The following LOC128462377 variants were observed in gnomAD, a reference collection of about 807,000 sequenced individuals.
the LOC128462377 span, among the ~76,000 whole-genome samples, chr16:89,381,339 A>T: frequency 7.3e-6 from 1 of 137,256 alleles, no homozygotes; most frequent in African/African-American, 2.6e-5. Flanking sequence ...TGCAAAAAAA[A>T]AAAAAAAAAA....
chr16:89,371,627 T>A, the LOC128462377 span, among the ~76,000 whole-genome samples: 1 of 152,082 alleles, frequency 6.6e-6, no homozygotes, highest in Admixed American at 6.5e-5. Context: ...CCTGCCCACA[T>A]GACGACACCC....
the LOC128462377 span, among the ~76,000 whole-genome samples, chr16:89,396,812 G>A: frequency 1.3e-5 from 2 of 152,014 alleles, no homozygotes; most frequent in Admixed American, 6.5e-5. Context: ...TCAGCCTCCC[G>A]AGTAGCTGGG....
At chr16:89,386,899 C>A in the LOC128462377 span, among the ~76,000 whole-genome samples, 1 of 152,086 alleles carries the variant, frequency 6.6e-6, no homozygotes, top group Non-Finnish European at 1.5e-5. Context: ...CAGCAAGAGA[C>A]CCTGCCCCAG....
At chr16:89,374,344 AAT>A in the LOC128462377 span, among the ~76,000 whole-genome samples, 1 of 149,620 alleles carries the variant, frequency 6.7e-6, no homozygotes, top group African/African-American at 2.5e-5. Flanking sequence ...TTGTAAAAAA[AAT>A]AATAATAATA....
At chr16:89,381,808 C>T in the LOC128462377 span, among the ~76,000 whole-genome samples, 10 of 152,246 alleles carry the variant, frequency 6.6e-5, no homozygotes, top group Admixed American at 5.9e-4. Flanking sequence ...ATTGACCCCA[C>T]GCGAATGGGG....
the LOC128462377 span, among the ~76,000 whole-genome samples, chr16:89,349,134 TAAAAAAAAAAAAAAA>T: frequency 1.2e-4 from 2 of 16,576 alleles, no homozygotes; most frequent in East Asian, 2.4e-3. Context: ...TCTCAAAAAG[TAAAAAAAAAAAAAAA>T]AAAAAAAAAA....
At chr16:89,320,758 G>A in the LOC128462377 span, among the ~76,000 whole-genome samples, 1 of 152,282 alleles carries the variant, frequency 6.6e-6, no homozygotes, top group Non-Finnish European at 1.5e-5. Flanking sequence ...CAGCCCAGCG[G>A]AGTGGACAGT....
At chr16:89,323,964 C>G in the LOC128462377 span, 2 of 226,986 alleles carry the variant, frequency 8.8e-6, no homozygotes, top group Non-Finnish European at 1.8e-5. Flanking sequence ...GTCGGCCCCT[C>G]CCCTGCACCC....
the LOC128462377 span, among the ~76,000 whole-genome samples, chr16:89,325,463 TCTCTCTCA>T: frequency 2.9e-5 from 4 of 139,320 alleles, no homozygotes; most frequent in Admixed American, 7.2e-5. Context: ...TCTCTCTCTC[TCTCTCTCA>T]CACACACACA....
the LOC128462377 span, among the ~76,000 whole-genome samples, chr16:89,416,417 G>A: frequency 6.6e-6 from 1 of 151,962 alleles, no homozygotes. Flanking sequence ...TCCTGCCTCA[G>A]CCTCCCAACT....
chr16:89,385,808 C>T, the LOC128462377 span, among the ~76,000 whole-genome samples: 2 of 152,244 alleles, frequency 1.3e-5, no homozygotes, highest in Non-Finnish European at 2.9e-5. Flanking sequence ...GCCTCACCCC[C>T]GCCGCTGCGC....
chr16:89,358,885 G>T, the LOC128462377 span, among the ~76,000 whole-genome samples: 2 of 152,052 alleles, frequency 1.3e-5, no homozygotes, highest in Admixed American at 1.3e-4. Context: ...GAGCGCAGTG[G>T]TGCGATCATG....
chr16:89,410,187 T>A, the LOC128462377 span, among the ~76,000 whole-genome samples: 1 of 152,130 alleles, frequency 6.6e-6, no homozygotes, highest in Admixed American at 6.6e-5. Context: ...AGGGCAGAAT[T>A]TCACACGGAG....
chr16:89,406,502 G>A, the LOC128462377 span, among the ~76,000 whole-genome samples: 1 of 152,208 alleles, frequency 6.6e-6, no homozygotes, highest in African/African-American at 2.4e-5. Flanking sequence ...CAACATGTTC[G>A]TTGGCCATGC....
chr16:89,342,197 A>C, the LOC128462377 span, among the ~76,000 whole-genome samples: 3 of 152,256 alleles, frequency 2.0e-5, no homozygotes, highest in African/African-American at 4.8e-5. Flanking sequence ...ACTGACAGGT[A>C]GGTCTCCACC....
chr16:89,371,427 G>A, the LOC128462377 span, among the ~76,000 whole-genome samples: 3 of 152,300 alleles, frequency 2.0e-5, no homozygotes, highest in African/African-American at 4.8e-5. Context: ...CCAGCTGCTC[G>A]GTGCATGGAG....
the LOC128462377 span, among the ~76,000 whole-genome samples, chr16:89,319,443 T>C: frequency 6.6e-6 from 1 of 152,214 alleles, no homozygotes; most frequent in African/African-American, 2.4e-5. Flanking sequence ...CTCCGGGGAC[T>C]CGGGAGTGTT....
the LOC128462377 span, among the ~76,000 whole-genome samples, chr16:89,396,969 C>T: frequency 6.6e-6 from 1 of 152,202 alleles, no homozygotes; most frequent in Middle Eastern, 3.4e-3. Flanking sequence ...GGATTATAGG[C>T]ATGAGCCAGG....
At chr16:89,408,129 C>G in the LOC128462377 span, among the ~76,000 whole-genome samples, 1 of 152,146 alleles carries the variant, frequency 6.6e-6, no homozygotes, top group Admixed American at 6.5e-5. Context: ...GCCAAGACAG[C>G]TCGAAGGACT....
Sources: allele counts gnomAD v4.1 joint callset (sites outside exome capture counted in the v4.1 genomes callset), GRCh38; gene constraint gnomAD v4.1.1; transcripts MANE v1.5.